Variants in ZNF385D observed in about 807,000 individuals in gnomAD.
The protein encoded by ZNF385D is zinc finger protein 659.
Under a neutral mutation model 35.8 loss-of-function variants are expected in ZNF385D, and 15 were observed. That is an observed-to-expected ratio of 0.42 (90% CI 0.28 to 0.64). The LOEUF is 0.64. Among genes scored for constraint, ZNF385D ranks in the 30% least tolerant of loss-of-function variants. The pLI is 0.23. For missense variants in ZNF385D, 474 were observed against 494.6 expected, an observed-to-expected ratio of 0.96 and a Z score of 0.39; for synonymous variants, 212 against 186.8, an observed-to-expected ratio of 1.13 and a Z score of -1.10.
intron 3 of ZNF385D, among the ~76,000 whole-genome samples, chr3:22,113,523 A>C (rs1451513861): frequency 6.6e-6 from 1 of 152,120 alleles, no homozygotes; most frequent in East Asian, 1.9e-4. Flanking sequence ...TATAATAAAC[A>C]TATTTGTGTA....
At position 22,286,178 on chromosome 3, in the gene ZNF385D, C is replaced by A. The variant is rs368005077; in HGVS notation, c.106+86272G>T. Among the ~76,000 whole-genome samples the A allele has an allele frequency of 1.9e-3, 293 of 152,116 alleles. 3 individuals are homozygous for A. The highest frequency in any genetic ancestry group is 6.1e-3 in the African/African-American group (252 of 41,528). ...TTTATCAATCACATATAAAATCTGG[C>A]AAATATTTTGGGTTTAATATTTAAA... On this transcript the variant is annotated intron_variant, in intron 2 of 5. Transcript: ENST00000494108.
intron 3 of ZNF385D, among the ~76,000 whole-genome samples, chr3:21,758,819 G>A (rs12638585): frequency 6.6e-6 from 1 of 151,842 alleles, no homozygotes; most frequent in South Asian, 2.1e-4. Flanking sequence ...GTATGAGGCA[G>A]AGGCAGACAC....
At chr3:22,085,997 C>G (rs1180530060) in intron 3 of ZNF385D, among the ~76,000 whole-genome samples, 2 of 152,198 alleles carry the variant, frequency 1.3e-5, no homozygotes, top group African/African-American at 4.8e-5. Context: ...CGACAAAATT[C>G]AACAACACTT....
chr3:21,450,216 G>T (rs1319608879), intron 4 of ZNF385D, among the ~76,000 whole-genome samples: 1 of 152,192 alleles, frequency 6.6e-6, no homozygotes, highest in Non-Finnish European at 1.5e-5. Flanking sequence ...GATGGTAGCT[G>T]TGGATCTAGA....
intron 3 of ZNF385D, among the ~76,000 whole-genome samples, chr3:21,989,397 C>G (rs546694871): frequency 1.3e-5 from 2 of 152,036 alleles, no homozygotes; most frequent in Non-Finnish European, 2.9e-5. Context: ...CGTAGGAATA[C>G]AGTTATGATT....
At chr3:21,451,046 T>G (rs1702426208) in intron 4 of ZNF385D, among the ~76,000 whole-genome samples, 1 of 152,102 alleles carries the variant, frequency 6.6e-6, no homozygotes, top group Admixed American at 6.6e-5. Flanking sequence ...AAGAGACAAG[T>G]AAGAGACACA....
chr3:22,043,175 A>G (rs1344136429), intron 3 of ZNF385D, among the ~76,000 whole-genome samples: 7 of 152,190 alleles, frequency 4.6e-5, no homozygotes, highest in African/African-American at 1.7e-4. Context: ...AATGTTAAGA[A>G]AACAAAACAA....
chr3:22,118,247 G>C (rs909694349), intron 3 of ZNF385D, among the ~76,000 whole-genome samples: 4 of 152,020 alleles, frequency 2.6e-5, no homozygotes, highest in African/African-American at 9.7e-5. Context: ...CCTGAGTTTA[G>C]TAGTCTCAGG....
Position 22,205,227 on chromosome 3 carries a change from C to T in ZNF385D, c.107-36192G>A, listed in dbSNP as rs190613808. On this transcript the variant is annotated intron_variant, in intron 2 of 5. Transcript: ENST00000494108. ...GAGTGACATGACAGGTTTAAAATGCCGAAGGAAAAAATATTTTATCCTAGA... is the reference window on the plus strand; with the variant it reads ...GAGTGACATGACAGGTTTAAAATGCTGAAGGAAAAAATATTTTATCCTAGA... 2.8e-4 allele frequency among the ~76,000 whole-genome samples: 42 copies of T among 151,052 alleles called. No homozygotes were observed. The East Asian group carries it at 3.3e-3, about 12-fold the overall frequency.
At chr3:22,276,344 G>T (rs191049980) in intron 2 of ZNF385D, among the ~76,000 whole-genome samples, 1 of 151,944 alleles carries the variant, frequency 6.6e-6, no homozygotes, top group South Asian at 2.1e-4. Context: ...ATAGCCACTC[G>T]TTATTTATAT....
intron 1 of ZNF385D, among the ~76,000 whole-genome samples, chr3:21,685,262 G>A (rs2067068068): frequency 6.6e-6 from 1 of 152,166 alleles, no homozygotes; most frequent in South Asian, 2.1e-4. Flanking sequence ...GAGTGTCTCT[G>A]AAGATTTTAT....
chr3:22,196,110 A>G (rs1696394964), intron 2 of ZNF385D, among the ~76,000 whole-genome samples: 1 of 152,080 alleles, frequency 6.6e-6, no homozygotes, highest in Non-Finnish European at 1.5e-5. Flanking sequence ...TACTGTGTAC[A>G]ATGAACCCCG....
At chr3:21,682,497 A>G (rs548377747) in intron 1 of ZNF385D, among the ~76,000 whole-genome samples, 2 of 150,472 alleles carry the variant, frequency 1.3e-5, no homozygotes, top group Admixed American at 1.3e-4. Context: ...AGAAAAAGCC[A>G]TCAGAGGACT....
intron 3 of ZNF385D, among the ~76,000 whole-genome samples, chr3:21,982,703 T>C (rs1312940827): frequency 2.0e-5 from 3 of 152,204 alleles, no homozygotes; most frequent in Non-Finnish European, 2.9e-5. Flanking sequence ...CTATTCAGTA[T>C]AACATTGACT....
intron 1 of ZNF385D, among the ~76,000 whole-genome samples, chr3:21,711,465 A>G (rs371970420): frequency 2.6e-5 from 4 of 152,310 alleles, no homozygotes; most frequent in South Asian, 4.1e-4. Flanking sequence ...GAAATGATTC[A>G]CCTCACTCGC....
chr3:22,175,465 A>G (rs1694761346), intron 2 of ZNF385D, among the ~76,000 whole-genome samples: 2 of 152,044 alleles, frequency 1.3e-5, no homozygotes, highest in Admixed American at 6.6e-5. Context: ...TGAGAAAAAA[A>G]AAGCTATTAG....
chr3:22,211,762 G>A lies in ZNF385D; in HGVS notation c.107-42727C>T, dbSNP rs552232329. On this transcript the variant is annotated intron_variant, in intron 2 of 5. Coordinates refer to the ZNF385D transcript ENST00000494108. ...AGAACAGTCCTGGTGGTACCTGACT[G>A]TCATATTTCTTGACTACACTCTGAG... Among the ~76,000 whole-genome samples the A allele has an allele frequency of 2.8e-4, 43 of 152,060 alleles. 1 individual carries two copies. The South Asian group carries it at 8.7e-3, about 31-fold the overall frequency.
At chr3:22,029,814 G>C (rs559155661) in intron 3 of ZNF385D, among the ~76,000 whole-genome samples, 2 of 152,214 alleles carry the variant, frequency 1.3e-5, no homozygotes, top group African/African-American at 4.8e-5. Flanking sequence ...TTTATTTGAA[G>C]ATTATGTATG....
chr3:22,130,334 A>G (rs925808877), intron 3 of ZNF385D, among the ~76,000 whole-genome samples: 4 of 152,094 alleles, frequency 2.6e-5, no homozygotes, highest in Admixed American at 1.3e-4. Flanking sequence ...CCAACGTCCA[A>G]TGGCTTCAAA....
Sources: gnomAD v4.1 joint callset for allele counts (sites outside exome capture counted in the v4.1 genomes callset) on GRCh38, gnomAD v4.1.1 for gene constraint, MANE v1.5 for transcripts, NCBI Gene and HGNC (gene_info 2026-07-23, HGNC 2026-07-21) for gene names.